AHCTF1: variants seen among roughly 807,000 people sequenced by gnomAD.
The protein encoded by AHCTF1 is protein ELYS.
Under a neutral mutation model 248.4 loss-of-function variants are expected in AHCTF1, and 24 were observed. The observed-to-expected ratio is 0.10, with a 90% confidence interval of 0.07 to 0.14. The LOEUF (loss-of-function observed/expected upper bound fraction) is 0.14, where lower values mean the gene tolerates loss of function less well. AHCTF1 is among the 10% of genes least tolerant of loss of function. AHCTF1 has a pLI of 1.00. For missense variants in AHCTF1, 2,206 were observed against 2,636.2 expected, an observed-to-expected ratio of 0.84 and a Z score of 3.57; for synonymous variants, 786 against 929.8, an observed-to-expected ratio of 0.85 and a Z score of 2.81.
At position 246,905,656 on chromosome 1, in the gene AHCTF1, A is replaced by G. The variant is rs778295376; in HGVS notation, c.766T>C (p.Tyr256His). The change falls in exon 6 of 36, where the codon TAT becomes CAT. Residue 256 changes from tyrosine to histidine, a missense_variant and splice_region_variant. Tyr to His is a moderately conservative substitution (Grantham distance 83). Coordinates refer to ENST00000648844, the MANE Select transcript of AHCTF1 (RefSeq NM_001323342.2). ...TGTCCACTTTCCAATTGTATGTAAT[A>G]TCTGAAACAAATTAGTATATTTCAT... ...LWNMKSMKRE[Y>H]YIQLESGQVP... 108 of 1,596,694 alleles carry G rather than the reference A, an allele frequency of 6.8e-5. No individual in the cohort carries two copies. The highest frequency in any genetic ancestry group is 8.8e-5 in the Non-Finnish European group (102 of 1,164,628).
chr1:246,924,360 C>G (rs553970951), intron 1 of AHCTF1, among the ~76,000 whole-genome samples: 1 of 152,044 alleles, frequency 6.6e-6, no homozygotes, highest in Non-Finnish European at 1.5e-5. Flanking sequence ...ACAGAGATAT[C>G]TGAAATATTC....
chr1:246,922,125 C>T (rs1444332135), intron 1 of AHCTF1, among the ~76,000 whole-genome samples: 2 of 152,150 alleles, frequency 1.3e-5, no homozygotes, highest in African/African-American at 4.8e-5. Flanking sequence ...TTTGGAAGGC[C>T]TAGGCAGGTG....
At chr1:246,907,523 T>C (rs976998972) in intron 5 of AHCTF1, 28 bp downstream of exon 5, 3 of 1,597,008 alleles carry the variant, frequency 1.9e-6, no homozygotes, top group Non-Finnish European at 2.6e-6. Flanking sequence ...CTACCTATAA[T>C]CAAATAAGGG....
chr1:246,892,573 G>A (rs1057464284), intron 14 of AHCTF1, among the ~76,000 whole-genome samples: 13 of 151,832 alleles, frequency 8.6e-5, no homozygotes, highest in African/African-American at 2.2e-4. Flanking sequence ...CGCCCGCCTC[G>A]GCCTCCCAAA....
intron 1 of AHCTF1, among the ~76,000 whole-genome samples, chr1:246,920,142 C>CG (rs571243890): frequency 9.8e-5 from 4 of 40,782 alleles, no homozygotes; most frequent in African/African-American, 3.5e-4. Context: ...CTGTCCCCCG[C>CG]AAAAAAAAAA....
At chr1:246,891,652 C>G in intron 15 of AHCTF1, 127 bp downstream of exon 15, 1 of 978,554 alleles carries the variant, frequency 1.0e-6, no homozygotes, top group Non-Finnish European at 1.5e-6. Context: ...AACAAAAACC[C>G]TAGCACTGGA....
intron 33 of AHCTF1, among the ~76,000 whole-genome samples, chr1:246,847,502 A>ATTGT (rs2103035993): frequency 6.6e-6 from 1 of 152,050 alleles, no homozygotes; most frequent in Admixed American, 6.5e-5. Flanking sequence ...GTAGGCATGT[A>ATTGT]TTGTTTTTGT....
chr1:246,860,253 G>A (rs1486663775), intron 29 of AHCTF1, among the ~76,000 whole-genome samples: 1 of 152,164 alleles, frequency 6.6e-6, no homozygotes, highest in Non-Finnish European at 1.5e-5. Flanking sequence ...GGGCAACAGA[G>A]TGAGACTCTG....
At chr1:246,873,839 T>C (rs576113682) in intron 24 of AHCTF1, among the ~76,000 whole-genome samples, 15 of 152,192 alleles carry the variant, frequency 9.9e-5, no homozygotes, top group Non-Finnish European at 1.9e-4. Context: ...ACGTTCCCTG[T>C]GTCACCTTGA....
At chr1:246,925,280 T>C (rs1259743564) in intron 1 of AHCTF1, among the ~76,000 whole-genome samples, 1 of 152,170 alleles carries the variant, frequency 6.6e-6, no homozygotes, top group African/African-American at 2.4e-5. Flanking sequence ...ATCATCTCAA[T>C]ACAATTTTGG....
At position 246,918,304 on chromosome 1, in the gene AHCTF1, G is replaced by C. The variant is rs940452908; in HGVS notation, c.67C>G (p.Leu23Val). ...LPFPEVTLQA[L>V]GEDEITLESV... ...TCTAATGTTATTTCGTCTTCTCCAAGGGCTTGAAGAGTCACTTCTGGAAAT... is the reference window on the plus strand; with the variant it reads ...TCTAATGTTATTTCGTCTTCTCCAACGGCTTGAAGAGTCACTTCTGGAAAT... The change falls in exon 2 of 36, where the codon CTT becomes GTT. Residue 23 changes from leucine to valine, a missense_variant. Around this residue, in one of 6 missense-constraint regions of AHCTF1, gnomAD observed 69 missense variants for 85.4 expected, o/e 0.81. Transcript: ENST00000648844. 6.2e-7 allele frequency: 1 copy of C among 1,612,650 alleles called. No individual in the cohort carries two copies. The highest frequency in any genetic ancestry group is 1.1e-5 in the South Asian group (1 of 90,892).
intron 1 of AHCTF1, among the ~76,000 whole-genome samples, chr1:246,919,769 G>C (rs1666393550): frequency 6.6e-6 from 1 of 150,844 alleles, no homozygotes; most frequent in South Asian, 2.1e-4. Context: ...GTTGCTCCAA[G>C]CAATCCACGG....
chr1:246,921,816 T>C (rs998860436), intron 1 of AHCTF1, among the ~76,000 whole-genome samples: 1 of 152,152 alleles, frequency 6.6e-6, no homozygotes, highest in Non-Finnish European at 1.5e-5. Flanking sequence ...ACAAAAAAGT[T>C]TGCTTAAAGG....
intron 4 of AHCTF1, among the ~76,000 whole-genome samples, chr1:246,909,545 TC>T (rs1665652911): frequency 6.6e-6 from 1 of 152,224 alleles, no homozygotes; most frequent in East Asian, 1.9e-4. Flanking sequence ...GGTTCTCAGA[TC>T]AACTGTCGCA....
intron 7 of AHCTF1, among the ~76,000 whole-genome samples, chr1:246,903,663 TCCG>T (rs1558264303): frequency 4.0e-4 from 22 of 55,516 alleles, no homozygotes; most frequent in African/African-American, 1.5e-3. Flanking sequence ...CCCCCCCCCC[TCCG>T]TCTCTGCTAA....
rs1197352698 is a variant in AHCTF1 at position 246,922,542 on chromosome 1, G to A, written c.-7-4165C>T. Reference sequence around the variant, plus strand: ...CTGGGCTCTAGCAATCTCTCGTCTCGTGCCACCATGCCTGGCTAATTTTTT... The same window carrying A: ...CTGGGCTCTAGCAATCTCTCGTCTCATGCCACCATGCCTGGCTAATTTTTT... On this transcript the variant is annotated intron_variant, in intron 1 of 35. Coordinates refer to ENST00000648844, the MANE Select transcript of AHCTF1 (RefSeq NM_001323342.2). Among the ~76,000 whole-genome samples, 6 of 151,076 alleles carry A rather than the reference G, an allele frequency of 4.0e-5. No individual in the cohort carries two copies. The South Asian group carries it at 6.3e-4, about 16-fold the overall frequency.
At chr1:246,892,849 T>C (rs1007729736) in intron 14 of AHCTF1, among the ~76,000 whole-genome samples, 1 of 152,028 alleles carries the variant, frequency 6.6e-6, no homozygotes, top group Non-Finnish European at 1.5e-5. Context: ...TCTTGCTATA[T>C]TGCTCAGGCT....
At position 246,839,720 on chromosome 1, in the gene AHCTF1, CCATT is replaced by C. The variant is rs1319088146; in HGVS notation, c.*1082_*1085del. ...TTCTAGATAATCAATTATTAATAGT[CCATT>C]CATTACACACTATCGATTACCTGTT... On this transcript the variant is annotated 3_prime_UTR_variant, in exon 36 of 36. Coordinates refer to ENST00000648844, the MANE Select transcript of AHCTF1 (RefSeq NM_001323342.2). 5.3e-6 allele frequency: 1 copy of C among 189,086 alleles called. No individual in the cohort carries two copies. The highest frequency in any genetic ancestry group is 2.4e-5 in the African/African-American group (1 of 42,106). 11.7% of individuals were successfully genotyped at this position (189,086 alleles called of 1,614,324 possible).
chr1:246,860,983 T>C lies in AHCTF1; in HGVS notation c.4048A>G (p.Asn1350Asp), dbSNP rs761895894. Residue 1350 changes from asparagine (N) to aspartate (D), a missense_variant, in exon 29 of 36, where the codon AAT becomes GAT. Around this residue, in one of 6 missense-constraint regions of AHCTF1, gnomAD observed 955 missense variants for 1,055.6 expected, o/e 0.90. Transcript: ENST00000648844. Reference protein sequence around the residue: ...PKSSSTALTTNVTEQTEKDGD... With the variant: ...PKSSSTALTTDVTEQTEKDGD... ...TCCTTTTCAGTTTGTTCAGTTACAT[T>C]AGTAGTTAGTGCAGTGGAAGAGCTT... is the stretch of plus-strand genomic sequence containing the variant. 6 of 1,613,974 alleles carry C rather than the reference T, an allele frequency of 3.7e-6. No homozygotes were observed. The highest frequency in any genetic ancestry group is 2.2e-5 in the East Asian group (1 of 44,880).
Sources: gnomAD v4.1 joint callset for allele counts (sites outside exome capture counted in the v4.1 genomes callset) on GRCh38, gnomAD v4.1.1 for gene constraint, gnomAD v4.1.1 regional missense constraint, MANE v1.5 for transcripts, NCBI Gene and HGNC (gene_info 2026-07-23, HGNC 2026-07-21) for gene names.